The following RBM12 variants were observed in gnomAD, a reference collection of about 807,000 sequenced individuals.
The protein encoded by RBM12 is RNA-binding protein 12.
A neutral mutation model predicts 37.2 loss-of-function variants in RBM12; 24 were observed. The ratio of observed to expected loss-of-function variants is 0.65; its 90% CI spans 0.47 to 0.91. The LOEUF (loss-of-function observed/expected upper bound fraction) is 0.91, where lower values mean the gene tolerates loss of function less well. RBM12 is among the 40% of genes least tolerant of loss of function. The probability of loss-of-function intolerance (pLI) is 0.00; values close to 1 mark genes in which losing one functional copy is unlikely to be tolerated. For missense variants in RBM12, 1,061 were observed against 1,183.2 expected (o/e 0.90, Z 1.52); for synonymous variants, 420 against 425.2 (o/e 0.99, Z 0.15).
chr20:35,653,336 G>A lies in RBM12; in HGVS notation c.1987C>T (p.Pro663Ser). ...CCTGCACCGGGAAGTCCTGCACTGG[G>A]CAGTCCCACACCGGGCAGTCCCGCA... The part of the protein sequence containing the change: ...PNAGLPGVGL[P>S]SAGLPGAGLP... Residue 663 changes from proline to serine, a missense_variant, in exon 3 of 3, where the codon CCC becomes TCC. Pro to Ser is a moderately conservative substitution (Grantham distance 74). Transcript: ENST00000374114. The A allele has an allele frequency of 1.2e-6, 2 of 1,613,874 alleles. No individual in the cohort carries two copies. The highest frequency in any genetic ancestry group is 1.7e-6 in the Non-Finnish European group (2 of 1,179,872).
In RBM12 at chr20:35,653,290, G is replaced by C. The variant is rs1157495010; in HGVS notation, c.2033C>G (p.Pro678Arg). ...TCCTGCACTGGTTATTGCTGAACCA[G>C]GCAGTCCTGTGCTGGGCAGGCCTGC... is the stretch of plus-strand genomic sequence containing the variant. ...PGAGLPSTGL[P>R]GSAITSAGLP... is the part of the protein sequence containing the mutation. Residue 678 changes from proline (P) to arginine (R), a missense_variant, in exon 3 of 3, where the codon CCT (proline) becomes CGT (arginine). Pro to Arg is a moderately radical substitution (Grantham distance 103). This residue lies in a region of RBM12 where 517 missense variants were observed against 534.0 expected (regional missense o/e 0.97). Coordinates refer to ENST00000374114, the MANE Select transcript of RBM12 (RefSeq NM_006047.6). 6.2e-7 allele frequency: 1 copy of C among 1,613,712 alleles called. No homozygotes were observed.
chr20:35,661,270 A>T (rs2034217227), intron 1 of RBM12, among the ~76,000 whole-genome samples: 1 of 152,212 alleles, frequency 6.6e-6, no homozygotes, highest in South Asian at 2.1e-4. Context: ...AAACCACAAG[A>T]ATTTAACATA....
Position 35,649,416 on chromosome 20 carries a change from C to T in RBM12, c.*3108G>A, listed in dbSNP as rs545103010. ...AATGTTTGCTTACTTCCATACAGTC[C>T]TAGATTTTCATCCAGTGGGTTAAGA... On this transcript the variant is annotated 3_prime_UTR_variant, in exon 3 of 3. Coordinates refer to ENST00000374114, the MANE Select transcript of RBM12 (RefSeq NM_006047.6). 6.6e-6 allele frequency: 1 copy of T among 152,434 alleles called. No individual in the cohort carries two copies. Among genetic ancestry groups the T allele is most frequent in the East Asian group, 1.9e-4 (1 of 5,186 alleles). 9.4% of individuals were successfully genotyped at this position (152,434 alleles called of 1,614,324 possible).
intron 2 of RBM12, among the ~76,000 whole-genome samples, chr20:35,657,380 T>C (rs887727435): frequency 2.6e-5 from 4 of 152,228 alleles, no homozygotes; most frequent in Non-Finnish European, 5.9e-5. Context: ...CAAAATGTGA[T>C]AGCATTTCCT....
intron 1 of RBM12, among the ~76,000 whole-genome samples, chr20:35,661,889 C>T (rs1192618058): frequency 6.6e-6 from 1 of 152,168 alleles, no homozygotes; most frequent in African/African-American, 2.4e-5. Context: ...CTAGGTTCTT[C>T]AGATCCAAAA....
Position 35,653,322 on chromosome 20 carries a change from A to C in RBM12, c.2001T>G (p.Leu667=), listed in dbSNP as rs747644264. 6.2e-7 allele frequency: 1 copy of C among 1,613,682 alleles called. No homozygotes were observed. Among genetic ancestry groups the C allele is most frequent in the Non-Finnish European group, 8.5e-7 (1 of 1,179,820 alleles). ...CTGTGCTGGGCAGGCCTGCACCGGG[A>C]AGTCCTGCACTGGGCAGTCCCACAC... ...LPGVGLPSAG[L]PGAGLPSTGL... is the part of the protein sequence containing the mutation. The change falls in exon 3 of 3, where the codon CTT becomes CTG. Residue 667 remains leucine (L), a synonymous_variant. Transcript: ENST00000374114.
intron 1 of RBM12, among the ~76,000 whole-genome samples, chr20:35,662,438 C>T (rs1473697759): frequency 6.6e-6 from 1 of 152,184 alleles, no homozygotes; most frequent in Non-Finnish European, 1.5e-5. Flanking sequence ...ATAAAATTAT[C>T]TTTTCTGTTT....
intron 2 of RBM12, among the ~76,000 whole-genome samples, chr20:35,656,665 G>C (rs1216329135): frequency 3.3e-5 from 5 of 152,288 alleles, no homozygotes; most frequent in African/African-American, 1.2e-4. Flanking sequence ...CTCCCAAGTA[G>C]CTGGGATTAC....
rs1012544395 is a variant in RBM12 at position 35,651,911 on chromosome 20, A to T, written c.*613T>A. On this transcript the variant is annotated 3_prime_UTR_variant, in exon 3 of 3. Transcript: ENST00000374114. The stretch of plus-strand genomic sequence containing the variant: ...ATTTAGGGAAAAAAACCAACAAAAC[A>T]GTTCTGCTCATTTACAAATGAGTCA... 6.6e-6 allele frequency: 1 copy of T among 152,606 alleles called. No individual in the cohort carries two copies. The highest frequency in any genetic ancestry group is 2.4e-5 in the African/African-American group (1 of 41,460). The allele number at this position is 152,606 out of a possible 1,614,324, so 9.5% of individuals were successfully genotyped here.
chr20:35,656,300 TC>T (rs1273930947), intron 2 of RBM12, among the ~76,000 whole-genome samples: 2 of 152,188 alleles, frequency 1.3e-5, no homozygotes, highest in Non-Finnish European at 2.9e-5. Context: ...CCTACACAAC[TC>T]CTACAGGATC....
chr20:35,658,806 C>CAT, intron 2 of RBM12, 124 bp downstream of exon 2: 1 of 216,720 alleles, frequency 4.6e-6, no homozygotes, highest in African/African-American at 2.9e-5. Context: ...AACAAAAACA[C>CAT]ACACACACAC....
At chr20:35,655,684 T>C (rs1315854244) in intron 2 of RBM12, among the ~76,000 whole-genome samples, 1 of 152,026 alleles carries the variant, frequency 6.6e-6, no homozygotes, top group East Asian at 1.9e-4. Context: ...CTAAGTCAAA[T>C]CAGGAAACAA....
intron 2 of RBM12, among the ~76,000 whole-genome samples, chr20:35,656,574 G>A (rs1019801195): frequency 1.3e-5 from 2 of 152,158 alleles, no homozygotes; most frequent in African/African-American, 2.4e-5. Context: ...CACTCTTGTA[G>A]CCCAGGCTGC....
At position 35,650,085 on chromosome 20, in the gene RBM12, A is replaced by C. The variant is rs902358480; in HGVS notation, c.*2439T>G. 2 of 152,778 alleles carry C rather than the reference A, an allele frequency of 1.3e-5. No individual in the cohort carries two copies. 9.5% of individuals were successfully genotyped at this position (152,778 alleles called of 1,614,324 possible). On this transcript the variant is annotated 3_prime_UTR_variant, in exon 3 of 3. Transcript: ENST00000374114. ...AACTGAAACTCCAATGCCCAGAACA[A>C]GATAAACAGTATCCTTAGCAGTTAG... is the stretch of plus-strand genomic sequence containing the variant.
chr20:35,655,524 C>T (rs1156813197), intron 2 of RBM12, among the ~76,000 whole-genome samples, 180 bp from the exon 3 acceptor site: 2 of 152,144 alleles, frequency 1.3e-5, no homozygotes, highest in Non-Finnish European at 2.9e-5. Context: ...CAATGTAAAA[C>T]GTAGACAATT....
chr20:35,659,121 T>G (rs576250971), intron 1 of RBM12, 107 bp from the exon 2 acceptor site: 19 of 433,670 alleles, frequency 4.4e-5, no homozygotes, highest in Non-Finnish European at 6.3e-5. Context: ...ACCAGAGTAC[T>G]TCATTAGAAT....
Position 35,651,697 on chromosome 20 carries a change from C to G in RBM12, c.*827G>C, listed in dbSNP as rs2033531934. On this transcript the variant is annotated 3_prime_UTR_variant, in exon 3 of 3. Transcript: ENST00000374114. Reference sequence around the variant, plus strand: ...TAAAAGTGGTTTCTGGTTTTCGATACCATCCAAACAACATGAACAATTTTT... The same window carrying G: ...TAAAAGTGGTTTCTGGTTTTCGATAGCATCCAAACAACATGAACAATTTTT... The G allele has an allele frequency of 6.6e-6, 1 of 152,670 alleles. No homozygotes were observed. The highest frequency in any genetic ancestry group is 2.1e-4 in the South Asian group (1 of 4,828). 9.5% of individuals were successfully genotyped at this position (152,670 alleles called of 1,614,324 possible). A position where few individuals can be genotyped will look rare whatever the true frequency, so the allele number is the denominator to read the frequency against.
Position 35,653,278 on chromosome 20 carries a change from ATT to A in RBM12, c.2043_2044del (p.Ile682AsnfsTer17), listed in dbSNP as rs767520535. On this transcript the variant is annotated frameshift_variant, in exon 3 of 3. Transcript: ENST00000374114. LOFTEE classifies it high-confidence loss of function. ...CGCACCAGGCAGTCCTGCACTGGTT[ATT>A]GCTGAACCAGGCAGTCCTGTGCTGG... is the stretch of plus-strand genomic sequence containing the variant. 1 of 1,613,648 alleles carries A rather than the reference ATT, an allele frequency of 6.2e-7. No individual in the cohort carries two copies. The highest frequency in any genetic ancestry group is 8.5e-7 in the Non-Finnish European group (1 of 1,179,842).
Position 35,649,587 on chromosome 20 carries a change from CTAA to C in RBM12, c.*2934_*2936del, listed in dbSNP as rs1323639364. The C allele has an allele frequency of 3.3e-5, 5 of 152,594 alleles. No homozygotes were observed. The highest frequency in any genetic ancestry group is 7.2e-5 in the African/African-American group (3 of 41,438). 9.5% of individuals were successfully genotyped at this position (152,594 alleles called of 1,614,324 possible). A position where few individuals can be genotyped will look rare whatever the true frequency, so the allele number is the denominator to read the frequency against. On this transcript the variant is annotated 3_prime_UTR_variant, in exon 3 of 3. Transcript: ENST00000374114. ...CACTGTTTCATTTTTTAAAAAGCCA[CTAA>C]TAATAATTGTACATCCAAACTACTG...
Sources: allele counts gnomAD v4.1 joint callset (sites outside exome capture counted in the v4.1 genomes callset), GRCh38; gene constraint gnomAD v4.1.1; regional missense constraint gnomAD v4.1.1; transcripts MANE v1.5; gene names NCBI Gene and HGNC (gene_info 2026-07-23, HGNC 2026-07-21).